Variants in PLEKHA6 observed in about 807,000 individuals in gnomAD.
PLEKHA6 encodes pleckstrin homology domain containing A6.
A neutral mutation model predicts 116.7 loss-of-function variants in PLEKHA6; 60 were observed. That is an observed-to-expected ratio of 0.51 (90% confidence interval 0.42 to 0.64). PLEKHA6 has a LOEUF of 0.64. PLEKHA6 is among the 30% of genes least tolerant of loss of function. PLEKHA6 has a pLI of 0.00. For synonymous variants in PLEKHA6, 489 were observed against 556.1 expected, an observed-to-expected ratio of 0.88 and a Z score of 1.70; for missense variants, 1,338 against 1,422.7, an observed-to-expected ratio of 0.94 and a Z score of 0.96.
upstream of PLEKHA6, among the ~76,000 whole-genome samples, chr1:204,363,917 T>C (rs998754375): frequency 3.3e-5 from 5 of 152,244 alleles, no homozygotes; most frequent in South Asian, 8.3e-4. Context: ...TCGCTTGTTC[T>C]CTCCTCCTCC....
chr1:204,265,794 G>C (rs941999699), intron 5 of PLEKHA6, among the ~76,000 whole-genome samples: 1 of 149,462 alleles, frequency 6.7e-6, no homozygotes, highest in African/African-American at 2.6e-5. Context: ...GAAAAGGAGT[G>C]CTCCCTGCAT....
At chr1:204,327,021 T>A in intron 1 of PLEKHA6, 1 of 985,264 alleles carries the variant, frequency 1.0e-6, no homozygotes, top group Non-Finnish European at 1.2e-6. Flanking sequence ...ACAAAGCAGC[T>A]ACTTGGGTTT....
At chr1:204,251,271 C>T (rs1398817182) in intron 9 of PLEKHA6, among the ~76,000 whole-genome samples, 1 of 152,186 alleles carries the variant, frequency 6.6e-6, no homozygotes, top group African/African-American at 2.4e-5. Context: ...CATTCAAGAG[C>T]AGAGTTGCGA....
chr1:204,235,301 G>T (rs557557784), intron 17 of PLEKHA6, among the ~76,000 whole-genome samples: 1 of 152,158 alleles, frequency 6.6e-6, no homozygotes, highest in East Asian at 1.9e-4. Flanking sequence ...TTGATTCACG[G>T]TTCATTGAGA....
intron 3 of PLEKHA6, among the ~76,000 whole-genome samples, chr1:204,272,972 C>T (rs1046240012): frequency 2.0e-5 from 3 of 152,192 alleles, no homozygotes; most frequent in African/African-American, 4.8e-5. Flanking sequence ...CCCATCCCCC[C>T]TTTTACCTCT....
At chr1:204,278,624 G>A (rs552559588) in intron 1 of PLEKHA6, among the ~76,000 whole-genome samples, 57 of 152,352 alleles carry the variant, frequency 3.7e-4, no homozygotes, top group African/African-American at 1.3e-3. Context: ...TTGGTAGGAT[G>A]TAACTGGGGT....
At chr1:204,316,844 C>T (rs1040031318) in intron 1 of PLEKHA6, among the ~76,000 whole-genome samples, 5 of 152,230 alleles carry the variant, frequency 3.3e-5, no homozygotes, top group African/African-American at 9.6e-5. Context: ...GGGTGGGACT[C>T]AATCACCCTA....
chr1:204,283,008 C>G (rs1668790028), intron 1 of PLEKHA6, among the ~76,000 whole-genome samples: 1 of 151,958 alleles, frequency 6.6e-6, no homozygotes, highest in Admixed American at 6.6e-5. Flanking sequence ...ATTAATTATG[C>G]CCCCCCACCG....
At chr1:204,307,837 C>T in intron 1 of PLEKHA6, 3 of 984,566 alleles carry the variant, frequency 3.0e-6, no homozygotes, top group Non-Finnish European at 2.4e-6. Flanking sequence ...TCTCTCCCAG[C>T]CCCAACCCCT....
intron 8 of PLEKHA6, among the ~76,000 whole-genome samples, chr1:204,258,414 G>A (rs930765584): frequency 2.0e-5 from 3 of 152,202 alleles, no homozygotes; most frequent in African/African-American, 4.8e-5. Context: ...CCACAGGTGT[G>A]AGCCACCATG....
At chr1:204,339,220 C>G in intron 1 of PLEKHA6, among the ~76,000 whole-genome samples, 1 of 152,218 alleles carries the variant, frequency 6.6e-6, no homozygotes, top group Non-Finnish European at 1.5e-5. Context: ...ATGTGAGGAG[C>G]CTCCCTGGCA....
At chr1:204,345,683 T>TA (rs1673015433) in intron 1 of PLEKHA6, among the ~76,000 whole-genome samples, 1 of 26,028 alleles carries the variant, frequency 3.8e-5, no homozygotes, top group Non-Finnish European at 1.1e-4. Context: ...AGCATTTCCC[T>TA]GAAAGAACAG....
At chr1:204,325,362 G>C (rs1401017562) in intron 1 of PLEKHA6, among the ~76,000 whole-genome samples, 1 of 152,182 alleles carries the variant, frequency 6.6e-6, no homozygotes, top group South Asian at 2.1e-4. Context: ...GGACATGGTG[G>C]TCAACTGTCC....
chr1:204,247,350 G>A lies in PLEKHA6; in HGVS notation c.1920+15C>T, dbSNP rs372683557. 1.3e-6 allele frequency: 2 copies of A among 1,548,068 alleles called. No individual in the cohort carries two copies. Among genetic ancestry groups the A allele is most frequent in the Non-Finnish European group, 1.8e-6 (2 of 1,120,556 alleles). On this transcript the variant is annotated intron_variant, in intron 13 of 22. Transcript: ENST00000272203. ...TCACATCCCAATCCCCGCCAGCTCA[G>A]GGGCCCTTCTTCACCTGGGTGTCCA... is the stretch of plus-strand genomic sequence containing the variant.
intron 6 of PLEKHA6, among the ~76,000 whole-genome samples, chr1:204,264,022 T>C (rs1265176207): frequency 6.6e-6 from 1 of 152,096 alleles, no homozygotes; most frequent in Non-Finnish European, 1.5e-5. Context: ...ACAGAGTCCC[T>C]TCTTCTAAGG....
chr1:204,267,565 G>A lies in PLEKHA6; in HGVS notation c.208-18C>T, dbSNP rs1666970724. 2.5e-6 allele frequency: 4 copies of A among 1,611,884 alleles called. No homozygotes were observed. Among genetic ancestry groups the A allele is most frequent in the Non-Finnish European group, 3.4e-6 (4 of 1,178,094 alleles). On this transcript the variant is annotated intron_variant, in intron 4 of 22. Coordinates refer to ENST00000272203, the MANE Select transcript of PLEKHA6 (RefSeq NM_014935.5). ...GAGCTGGCCTGCGGGACATGGGAGA[G>A]GCAGATGTGAGGGCTGCAAGCTGGA...
intron 17 of PLEKHA6, among the ~76,000 whole-genome samples, chr1:204,232,682 C>T (rs375446629): frequency 2.9e-4 from 44 of 152,286 alleles, no homozygotes; most frequent in African/African-American, 1.1e-3. Context: ...AGCTACTTAA[C>T]TACAAACACA....
In PLEKHA6 at chr1:204,258,214, C is replaced by T. The variant is rs183281883; in HGVS notation, c.1008-345G>A. ...GGCAAATAGAAGAAAGTCTACCAGGCACCTGAAGGAGGGCAATGTAGGAGG... is the reference window on the plus strand; with the variant it reads ...GGCAAATAGAAGAAAGTCTACCAGGTACCTGAAGGAGGGCAATGTAGGAGG... On this transcript the variant is annotated intron_variant, in intron 8 of 22. Coordinates refer to ENST00000272203, the MANE Select transcript of PLEKHA6 (RefSeq NM_014935.5). Among the ~76,000 whole-genome samples, 25 of 152,260 alleles carry T rather than the reference C, an allele frequency of 1.6e-4. No homozygotes were observed. The East Asian group carries it at 4.8e-3, about 29-fold the overall frequency.
At position 204,247,322 on chromosome 1, in the gene PLEKHA6, T is replaced by C. The variant is rs189363492; in HGVS notation, c.1920+43A>G. The C allele has an allele frequency of 3.3e-6, 4 of 1,227,246 alleles. No homozygotes were observed. The African/African-American group carries it at 4.4e-5, about 14-fold the overall frequency. 76.0% of individuals were successfully genotyped at this position (1,227,246 alleles called of 1,614,324 possible). Reference sequence around the variant, plus strand: ...TGTCTCGAGGCCAACTCCTCATCTTTAGTCACATCCCAATCCCCGCCAGCT... The same window carrying C: ...TGTCTCGAGGCCAACTCCTCATCTTCAGTCACATCCCAATCCCCGCCAGCT... On this transcript the variant is annotated intron_variant, in intron 13 of 22. Coordinates refer to ENST00000272203, the MANE Select transcript of PLEKHA6 (RefSeq NM_014935.5).
Sources: allele counts gnomAD v4.1 joint callset (sites outside exome capture counted in the v4.1 genomes callset), GRCh38; gene constraint gnomAD v4.1.1; transcripts MANE v1.5; gene names NCBI Gene and HGNC (gene_info 2026-07-23, HGNC 2026-07-21).